Variants in ADGRL2 observed in about 807,000 individuals in gnomAD.
ADGRL2 encodes the protein calcium-independent alpha-latrotoxin receptor 2.
In ADGRL2, 44 loss-of-function variants were observed where a neutral mutation model predicts 157.4. The ratio of observed to expected loss-of-function variants is 0.28; its 90% CI spans 0.22 to 0.36. The LOEUF (loss-of-function observed/expected upper bound fraction) is 0.36, where lower values mean the gene tolerates loss of function less well. ADGRL2 is among the 10% of genes least tolerant of loss of function. ADGRL2 has a pLI of 1.00. For synonymous variants in ADGRL2, 585 were observed against 624.7 expected (o/e 0.94, Z 0.95); for missense variants, 1,510 against 1,768.9 (o/e 0.85, Z 2.63).
intron 2 of ADGRL2, among the ~76,000 whole-genome samples, chr1:81,840,698 A>G (rs972925832): frequency 1.3e-5 from 2 of 152,178 alleles, no homozygotes; most frequent in Admixed American, 6.6e-5. Context: ...GTAAAATAGG[A>G]TTAATATTTT....
Position 81,966,438 on chromosome 1 carries a change from C to T in ADGRL2, c.2178C>T (p.Ser726=). 1 of 1,614,022 alleles carries T rather than the reference C, an allele frequency of 6.2e-7. No individual in the cohort carries two copies. Among genetic ancestry groups the T allele is most frequent in the Non-Finnish European group, 8.5e-7 (1 of 1,179,996 alleles). Residue 726 remains serine, a synonymous_variant, in exon 13 of 24, where the codon AGC becomes AGT. Transcript: ENST00000686636. ...AGTTGGTGTTCATCATTTACCGGAG[C>T]CTGGGACAGTTCCTTAGTACAGAAA... ...LAKLVFIIYR[S]LGQFLSTENA...
At chr1:81,708,772 T>C (rs1341785390) in intron 1 of ADGRL2, among the ~76,000 whole-genome samples, 1 of 152,060 alleles carries the variant, frequency 6.6e-6, no homozygotes, top group Non-Finnish European at 1.5e-5. Context: ...TCACATTTTA[T>C]TTATATACTT....
chr1:81,386,104 TATTTC>T (rs1042357823), intron 1 of ADGRL2, among the ~76,000 whole-genome samples: 3 of 152,184 alleles, frequency 2.0e-5, no homozygotes, highest in African/African-American at 7.2e-5. Context: ...GAAAGAATTT[TATTTC>T]TTTTTCCTGA....
intron 2 of ADGRL2, among the ~76,000 whole-genome samples, chr1:81,840,298 G>A (rs957197372): frequency 2.0e-5 from 3 of 152,138 alleles, no homozygotes; most frequent in East Asian, 1.9e-4. Context: ...TAAAAAACAA[G>A]CGTGTATACC....
intron 1 of ADGRL2, among the ~76,000 whole-genome samples, chr1:81,748,195 G>A (rs2085362280): frequency 6.6e-6 from 1 of 152,012 alleles, no homozygotes; most frequent in South Asian, 2.1e-4. Flanking sequence ...AATAATAGAA[G>A]AGACCGGGTG....
At chr1:81,748,423 C>G (rs1030523919) in intron 1 of ADGRL2, among the ~76,000 whole-genome samples, 9 of 138,778 alleles carry the variant, frequency 6.5e-5, no homozygotes, top group African/African-American at 2.2e-4. Flanking sequence ...GAGCTGAGAT[C>G]GCGCCACCGC....
Position 81,775,506 on chromosome 1 carries a change from A to G in ADGRL2, c.-101+13654A>G, listed in dbSNP as rs565410190. Among the ~76,000 whole-genome samples, 3 of 152,188 alleles carry G rather than the reference A, an allele frequency of 2.0e-5. No homozygotes were observed. The South Asian group carries it at 6.2e-4, about 32-fold the overall frequency. ...TTTTGAACCTATTATACCAAACATT[A>G]TATAATCTGGGGAGATCAAAAGAGA... On this transcript the variant is annotated intron_variant, in intron 2 of 20. Transcript: ENST00000359929.
At chr1:81,322,089 T>TATATATATATATATATACAC (rs2100628481) in intron 1 of ADGRL2, among the ~76,000 whole-genome samples, 1 of 103,512 alleles carries the variant, frequency 9.7e-6, no homozygotes, top group Non-Finnish European at 2.1e-5. Context: ...GACTAATTCA[T>TATATATATATATATATACAC]ATATATATAT....
intron 1 of ADGRL2, among the ~76,000 whole-genome samples, chr1:81,352,319 C>T (rs753967568): frequency 9.2e-5 from 14 of 152,200 alleles, no homozygotes; most frequent in Non-Finnish European, 1.9e-4. Context: ...AATCGTCTTG[C>T]TGTTTATTTA....
intron 2 of ADGRL2, among the ~76,000 whole-genome samples, chr1:81,489,799 G>A (rs193208197): frequency 6.6e-6 from 1 of 152,098 alleles, no homozygotes; most frequent in Admixed American, 6.5e-5. Flanking sequence ...CAACAGCAGT[G>A]GGCCAATATA....
intron 3 of ADGRL2, among the ~76,000 whole-genome samples, chr1:81,610,858 C>T (rs372370138): frequency 2.0e-5 from 3 of 152,070 alleles, no homozygotes; most frequent in South Asian, 2.1e-4. Flanking sequence ...TTTGAGTTTC[C>T]GCAGCTAGAT....
rs559402244 is a variant in ADGRL2, at chr1:81,662,338, C to A, written c.-143+81358C>A. 2.0e-5 allele frequency among the ~76,000 whole-genome samples: 3 copies of A among 151,342 alleles called. No homozygotes were observed. The South Asian group carries it at 6.3e-4, about 32-fold the overall frequency. On this transcript the variant is annotated intron_variant, in intron 3 of 24. Coordinates refer to the ADGRL2 transcript ENST00000370721. ...TGGTGCCATCTCAGCTCACTGCAAC[C>A]TCTGCCTCCTGGGTTCAAGCAATTC... is the stretch of plus-strand genomic sequence containing the variant.
intron 1 of ADGRL2, among the ~76,000 whole-genome samples, chr1:81,345,580 A>G (rs574758390): frequency 6.5e-4 from 99 of 152,228 alleles, no homozygotes; most frequent in Non-Finnish European, 1.1e-3. Context: ...AAAAATACAG[A>G]TATAGAATAA....
chr1:81,829,399 T>C (rs2091772342), intron 1 of ADGRL2, among the ~76,000 whole-genome samples: 1 of 152,230 alleles, frequency 6.6e-6, no homozygotes, highest in South Asian at 2.1e-4. Flanking sequence ...TGAGTTTTAC[T>C]TGTAGACACA....
upstream of ADGRL2, among the ~76,000 whole-genome samples, chr1:81,799,558 T>C (rs890967109): frequency 6.6e-6 from 1 of 152,224 alleles, no homozygotes; most frequent in African/African-American, 2.4e-5. Flanking sequence ...ACTACACCTA[T>C]CTGGCTTTCT....
At chr1:81,622,455 C>A (rs982866776) in intron 3 of ADGRL2, among the ~76,000 whole-genome samples, 1 of 152,142 alleles carries the variant, frequency 6.6e-6, no homozygotes, top group African/African-American at 2.4e-5. Context: ...GTGGCACACG[C>A]CTGTAGTCCC....
intron 1 of ADGRL2, among the ~76,000 whole-genome samples, chr1:81,380,413 A>C (rs2076324220): frequency 6.6e-6 from 1 of 152,186 alleles, no homozygotes. Context: ...ATTACTTTTT[A>C]ATCTTTTGCA....
chr1:81,516,290 T>C (rs2079176526), intron 2 of ADGRL2, among the ~76,000 whole-genome samples: 1 of 152,230 alleles, frequency 6.6e-6, no homozygotes, highest in South Asian at 2.1e-4. Flanking sequence ...CTTTACTTGA[T>C]CCTTGTCAGG....
chr1:81,410,267 G>A (rs2076925429), intron 1 of ADGRL2, among the ~76,000 whole-genome samples: 1 of 152,204 alleles, frequency 6.6e-6, no homozygotes, highest in Admixed American at 6.5e-5. Flanking sequence ...AAAGTAAAGA[G>A]TTAACAGAGA....
Sources: allele counts gnomAD v4.1 joint callset (sites outside exome capture counted in the v4.1 genomes callset), GRCh38; gene constraint gnomAD v4.1.1; transcripts MANE v1.5; gene names NCBI Gene and HGNC (gene_info 2026-07-23, HGNC 2026-07-21).